Variants in COL4A6 observed in about 807,000 individuals in gnomAD.
COL4A6 encodes collagen type IV alpha 6 chain.
Under a neutral mutation model 126.7 loss-of-function variants are expected in COL4A6, and 59 were observed. The observed-to-expected ratio is 0.47, with a 90% CI of 0.38 to 0.58. The LOEUF (loss-of-function observed/expected upper bound fraction) is 0.58, where lower values mean the gene tolerates loss of function less well. COL4A6 is among the 20% of genes least tolerant of loss of function. COL4A6 has a pLI of 0.00. For missense variants in COL4A6, 1,285 were observed against 1,337.3 expected (o/e 0.96, Z 0.61); for synonymous variants, 547 against 496.6 (o/e 1.10, Z -1.35).
chrX:108,278,384 G>A (rs1275304890), intron 3 of COL4A6, among the ~76,000 whole-genome samples: 5 of 112,112 alleles, frequency 4.5e-5, no homozygotes. Flanking sequence ...CTGGAAGAAA[G>A]GGTATCAGTG....
Position 108,161,749 on chromosome X carries a change from A to C in COL4A6, c.4217-14T>G, listed in dbSNP as rs1239665104. The C allele has an allele frequency of 9.1e-7, 1 of 1,099,054 alleles. No homozygotes were observed. Among genetic ancestry groups the C allele is most frequent in the Admixed American group, 2.2e-5 (1 of 45,171 alleles). The allele number at this position is 1,099,054 out of a possible 1,213,427, so 90.6% of individuals were successfully genotyped here. ...AACCTTTGGAGCCTGCAGGAGAGAA[A>C]GCCCAAAGGAGGGTACTCAATGTAG... On this transcript the variant is annotated splice_polypyrimidine_tract_variant and intron_variant, in intron 41 of 44. Coordinates refer to ENST00000334504, the MANE Select transcript of COL4A6 (RefSeq NM_033641.4).
intron 40 of COL4A6, 46 bp from the exon 41 acceptor site, chrX:108,163,084 G>T: frequency 8.7e-7 from 1 of 1,152,728 alleles, no homozygotes; most frequent in Non-Finnish European, 1.2e-6. Flanking sequence ...GAGGCAGAGG[G>T]AGGTGACGGG....
At chrX:108,227,001 T>C (rs771453434) in intron 3 of COL4A6, among the ~76,000 whole-genome samples, 2 of 111,919 alleles carry the variant, frequency 1.8e-5, no homozygotes, top group South Asian at 7.6e-4. Context: ...CTTTTGTATA[T>C]GGCTCTGCTC....
intron 2 of COL4A6, among the ~76,000 whole-genome samples, chrX:108,393,821 T>C (rs1003043672): frequency 8.9e-6 from 1 of 112,115 alleles, no homozygotes; most frequent in Non-Finnish European, 1.9e-5. Flanking sequence ...TTTTACACTG[T>C]TGGTGGGAGT....
At chrX:108,175,475 T>G (rs1238681686) in intron 29 of COL4A6, among the ~76,000 whole-genome samples, 179 bp downstream of exon 29, 2 of 112,092 alleles carry the variant, frequency 1.8e-5, no homozygotes, top group African/African-American at 6.5e-5. Context: ...GCCTTTAACA[T>G]GCAGTGTTAA....
chrX:108,326,680 C>T (rs1003985583), intron 2 of COL4A6, among the ~76,000 whole-genome samples: 1 of 112,020 alleles, frequency 8.9e-6, no homozygotes, highest in African/African-American at 3.2e-5. Context: ...CAGTGGTAGT[C>T]CAGTAGAGAA....
intron 13 of COL4A6, among the ~76,000 whole-genome samples, 184 bp downstream of exon 13, chrX:108,202,744 G>T (rs990371305): frequency 1.8e-5 from 2 of 111,700 alleles, no homozygotes; most frequent in Non-Finnish European, 3.8e-5. Context: ...GCCTCATGGA[G>T]AACCATGCTT....
intron 2 of COL4A6, among the ~76,000 whole-genome samples, chrX:108,377,941 C>CAAAAA (rs745969449): frequency 1.4e-4 from 1 of 7,233 alleles, no homozygotes; most frequent in African/African-American, 3.8e-4. Context: ...GACTCCGTCT[C>CAAAAA]AAAAAAAAAA....
At chrX:108,307,029 T>C (rs374872507) in intron 3 of COL4A6, among the ~76,000 whole-genome samples, 5 of 109,202 alleles carry the variant, frequency 4.6e-5, no homozygotes, top group Non-Finnish European at 9.5e-5. Flanking sequence ...AATGCAGAGA[T>C]AGCTTTCAGA....
At chrX:108,351,850 G>A (rs184604514) in intron 2 of COL4A6, among the ~76,000 whole-genome samples, 7 of 111,697 alleles carry the variant, frequency 6.3e-5, no homozygotes, top group Non-Finnish European at 1.3e-4. Context: ...CAACATCCAC[G>A]CATACACACA....
chrX:108,269,127 A>ATATCATTCAG, intron 3 of COL4A6: 3 of 340,281 alleles, frequency 8.8e-6, no homozygotes, highest in South Asian at 7.7e-5. Flanking sequence ...CCGGCCAGCC[A>ATATCATTCAG]TATCATTCAG....
chrX:108,198,586 C>G (rs183616629), intron 13 of COL4A6, among the ~76,000 whole-genome samples: 12 of 111,433 alleles, frequency 1.1e-4, no homozygotes, highest in African/African-American at 3.9e-4. Context: ...CCCTGCTGAA[C>G]AAGCTGTTCT....
intron 25 of COL4A6, among the ~76,000 whole-genome samples, chrX:108,179,880 G>A (rs2034630735): frequency 9.3e-6 from 1 of 107,754 alleles, no homozygotes; most frequent in African/African-American, 3.4e-5. Flanking sequence ...TCTCAAATCT[G>A]AGCAAGCATC....
intron 2 of COL4A6, among the ~76,000 whole-genome samples, chrX:108,346,359 A>G (rs897899452): frequency 1.8e-5 from 2 of 110,305 alleles, no homozygotes; most frequent in Admixed American, 9.6e-5. Context: ...CTCAACTAGT[A>G]CTCTTAACTC....
rs192166537 is a variant in COL4A6 at position 108,299,415 on chromosome X, C to G, written c.144+11333G>C. 1.0e-3 allele frequency among the ~76,000 whole-genome samples: 111 copies of G among 110,851 alleles called. 4 individuals carry two copies. In the East Asian group the frequency reaches 0.031, roughly 31 times the overall value. On this transcript the variant is annotated intron_variant, in intron 3 of 44. Coordinates refer to ENST00000334504, the MANE Select transcript of COL4A6 (RefSeq NM_033641.4). ...TTTTGTTTGCTTTCTTTTTGTCTCT[C>G]TCTGGGGAAACCTGGCTCCTGAACC...
chrX:108,347,285 C>T (rs1215412965), intron 2 of COL4A6, among the ~76,000 whole-genome samples: 2 of 112,212 alleles, frequency 1.8e-5, no homozygotes, highest in Admixed American at 1.9e-4. Flanking sequence ...AGAACACACG[C>T]AGACATGAGG....
intron 3 of COL4A6, among the ~76,000 whole-genome samples, chrX:108,299,009 C>T (rs73636395): frequency 0.024 from 2,685 of 111,258 alleles, 54 homozygotes; most frequent in East Asian, 0.075. Flanking sequence ...CTGCCACATG[C>T]CTCCAAAAGC....
At chrX:108,221,161 C>G in intron 4 of COL4A6, 79 bp downstream of exon 4, 1 of 1,149,150 alleles carries the variant, frequency 8.7e-7, no homozygotes, top group African/African-American at 1.8e-5. Context: ...CATAAATGAG[C>G]AGAACTGGGA....
chrX:108,316,294 G>C (rs1255753172), intron 2 of COL4A6, among the ~76,000 whole-genome samples: 1 of 111,938 alleles, frequency 8.9e-6, no homozygotes, highest in Non-Finnish European at 1.9e-5. Context: ...TGTTAGAGAT[G>C]GGTGATAGTG....
Sources: gnomAD v4.1 joint callset for allele counts (sites outside exome capture counted in the v4.1 genomes callset) on GRCh38, gnomAD v4.1.1 for gene constraint, MANE v1.5 for transcripts, NCBI Gene and HGNC (gene_info 2026-07-23, HGNC 2026-07-21) for gene names.